EPHA6: variants seen among roughly 807,000 people sequenced by gnomAD.
EPHA6 encodes ephrin type-A receptor 6.
A neutral mutation model predicts 112.0 loss-of-function variants in EPHA6; 50 were observed. The observed-to-expected ratio is 0.45, with a 90% CI of 0.36 to 0.56. The LOEUF (loss-of-function observed/expected upper bound fraction) is 0.56. Among genes scored for constraint, EPHA6 ranks in the 20% least tolerant of loss-of-function variants. The pLI is 0.00. For synonymous variants in EPHA6, 529 were observed against 490.7 expected (o/e 1.08, Z -1.03); for missense variants, 1,280 against 1,417.4 (o/e 0.90, Z 1.56).
intron 10 of EPHA6, among the ~76,000 whole-genome samples, chr3:97,509,533 T>C (rs1210415715): frequency 6.6e-6 from 1 of 152,192 alleles, no homozygotes; most frequent in African/African-American, 2.4e-5. Context: ...TTCTGGCTTG[T>C]AGGGTTTCTG....
chr3:97,001,764 A>G (rs1160180853), intron 3 of EPHA6, among the ~76,000 whole-genome samples: 1 of 152,020 alleles, frequency 6.6e-6, no homozygotes, highest in Non-Finnish European at 1.5e-5. Context: ...GTATACAAGG[A>G]CTATCAGCAT....
intron 6 of EPHA6, among the ~76,000 whole-genome samples, chr3:97,410,248 C>T (rs2087628445): frequency 6.6e-6 from 1 of 151,986 alleles, no homozygotes; most frequent in African/African-American, 2.4e-5. Context: ...TAATAATTAT[C>T]CCTCATTTTT....
At chr3:97,056,370 C>A (rs751781211) in intron 3 of EPHA6, among the ~76,000 whole-genome samples, 9 of 152,156 alleles carry the variant, frequency 5.9e-5, no homozygotes, top group Non-Finnish European at 1.3e-4. Flanking sequence ...CTTGGAATTA[C>A]AAGTCTCTTC....
intron 5 of EPHA6, among the ~76,000 whole-genome samples, chr3:97,343,082 G>A (rs905198490): frequency 6.6e-6 from 1 of 152,120 alleles, no homozygotes; most frequent in African/African-American, 2.4e-5. Context: ...AAGCAATTCC[G>A]GTATTGGCTC....
At chr3:97,648,355 G>C in intron 14 of EPHA6, 1 of 1,601,008 alleles carries the variant, frequency 6.2e-7, no homozygotes, top group Non-Finnish European at 8.5e-7. Flanking sequence ...CAAATTTTCT[G>C]TCGGTCTAAG....
At chr3:97,311,465 C>A (rs542461311) in intron 5 of EPHA6, among the ~76,000 whole-genome samples, 1 of 150,218 alleles carries the variant, frequency 6.7e-6, no homozygotes, top group East Asian at 1.9e-4. Context: ...CACACACACA[C>A]ACACACACAC....
intron 2 of EPHA6, among the ~76,000 whole-genome samples, chr3:96,967,836 G>A (rs969307760): frequency 4.6e-5 from 7 of 151,836 alleles, no homozygotes; most frequent in African/African-American, 1.2e-4. Flanking sequence ...AGGAACTTTG[G>A]AAGGAGAATG....
At chr3:97,365,650 A>G (rs1456456459) in intron 5 of EPHA6, among the ~76,000 whole-genome samples, 2 of 152,182 alleles carry the variant, frequency 1.3e-5, no homozygotes, top group African/African-American at 4.8e-5. Context: ...GGCCTCCTAA[A>G]GTGCTGGGAT....
intron 11 of EPHA6, chr3:97,559,652 G>T (rs1230645058): frequency 6.6e-6 from 3 of 455,288 alleles, no homozygotes; most frequent in Non-Finnish European, 1.3e-5. Context: ...TTCTAAAGAA[G>T]TAAATCAAGG....
chr3:97,176,354 T>C (rs2076835251), intron 3 of EPHA6, among the ~76,000 whole-genome samples: 2 of 151,892 alleles, frequency 1.3e-5, no homozygotes, highest in Non-Finnish European at 2.9e-5. Flanking sequence ...TGGCCTGTAG[T>C]TTTCATTTCT....
intron 14 of EPHA6, among the ~76,000 whole-genome samples, chr3:97,687,052 T>G (rs944475394): frequency 7.2e-5 from 11 of 152,206 alleles, no homozygotes; most frequent in African/African-American, 2.7e-4. Context: ...TTGTCTCTTA[T>G]GGTGCATGAA....
intron 3 of EPHA6, among the ~76,000 whole-genome samples, chr3:97,068,267 C>T (rs1019431432): frequency 6.6e-6 from 1 of 150,558 alleles, no homozygotes; most frequent in African/African-American, 2.5e-5. Context: ...AGCTGATAGG[C>T]AGAAGCCAAC....
rs193269523 is a variant in EPHA6, at chr3:97,613,691, G to A, written c.2574+2837G>A. 1.1e-4 allele frequency among the ~76,000 whole-genome samples: 17 copies of A among 152,176 alleles called. No homozygotes were observed. The South Asian group carries it at 1.2e-3, about 11-fold the overall frequency. ...GTAGAGAAGGGATGTGTGTGTAACC[G>A]TGTGTATTTTTAATTTTAAAGTTGA... is the stretch of plus-strand genomic sequence containing the variant. On this transcript the variant is annotated intron_variant, in intron 13 of 17. Transcript: ENST00000389672.
chr3:97,419,170 G>A (rs2088390244), intron 6 of EPHA6, among the ~76,000 whole-genome samples: 2 of 152,096 alleles, frequency 1.3e-5, no homozygotes, highest in South Asian at 2.1e-4. Context: ...GGGCATGGTG[G>A]CATGTACCTG....
intron 10 of EPHA6, among the ~76,000 whole-genome samples, chr3:97,496,182 A>T (rs561322068): frequency 3.0e-4 from 45 of 152,256 alleles, no homozygotes; most frequent in African/African-American, 8.2e-4. Flanking sequence ...TGGACTTTCC[A>T]TGTGGTCTAA....
chr3:96,819,571 T>C (rs1000664425), intron 1 of EPHA6, among the ~76,000 whole-genome samples: 3 of 152,098 alleles, frequency 2.0e-5, no homozygotes, highest in African/African-American at 4.8e-5. Flanking sequence ...AATTTTTTCA[T>C]TGTACCCTTG....
chr3:97,358,649 A>AT lies in EPHA6; in HGVS notation c.1607-46491dup, dbSNP rs199900688. ...TGCACATGTATTTACTTTTATTGAGATTTTTTTTTTCATATGGCCTCAAGT... is the reference window on the plus strand; with the variant it reads ...TGCACATGTATTTACTTTTATTGAGATTTTTTTTTTTCATATGGCCTCAAGT... On this transcript the variant is annotated intron_variant, in intron 5 of 17. Transcript: ENST00000389672. 2.6e-4 allele frequency among the ~76,000 whole-genome samples: 39 copies of AT among 149,848 alleles called. 1 individual carries two copies. Among genetic ancestry groups the AT allele is most frequent in the Admixed American group, 1.8e-3 (27 of 15,000 alleles).
chr3:97,490,198 A>G (rs189030213), intron 10 of EPHA6, among the ~76,000 whole-genome samples: 1 of 152,318 alleles, frequency 6.6e-6, no homozygotes, highest in African/African-American at 2.4e-5. Flanking sequence ...TCTGGTTGCC[A>G]ACAAAAATCT....
chr3:97,147,084 C>A (rs1441996359), intron 3 of EPHA6, among the ~76,000 whole-genome samples: 4 of 151,980 alleles, frequency 2.6e-5, no homozygotes, highest in African/African-American at 9.7e-5. Flanking sequence ...CACTATATAG[C>A]ATTTTCCTCC....
Sources: allele counts gnomAD v4.1 joint callset (sites outside exome capture counted in the v4.1 genomes callset), GRCh38; gene constraint gnomAD v4.1.1; transcripts MANE v1.5; gene names NCBI Gene and HGNC (gene_info 2026-07-23, HGNC 2026-07-21).